Variants in GMPPA observed in about 807,000 individuals in gnomAD.
The protein encoded by GMPPA is mannose-1-phosphate guanylyltransferase regulatory subunit alpha.
In GMPPA, 46 loss-of-function variants were observed where a neutral mutation model predicts 58.6. The ratio of observed to expected loss-of-function variants is 0.78; its 90% confidence interval spans 0.62 to 1.00. The LOEUF (loss-of-function observed/expected upper bound fraction) is 1.00, where lower values mean the gene tolerates loss of function less well. Among genes scored for constraint, GMPPA ranks in the 50% least tolerant of loss-of-function variants. The pLI is 0.00. For synonymous variants in GMPPA, 211 were observed against 214.9 expected (o/e 0.98, Z 0.16); for missense variants, 468 against 556.4 (o/e 0.84, Z 1.60).
intron 4 of GMPPA, 52 bp from the exon 5 acceptor site, chr2:219,501,799 G>A (rs1694402704): frequency 6.5e-7 from 1 of 1,541,620 alleles, no homozygotes; most frequent in Non-Finnish European, 8.9e-7. Context: ...CCTGGCTCAT[G>A]GTATCTGTTT....
chr2:219,504,870 T>C, intron 7 of GMPPA: 1 of 1,101,346 alleles, frequency 9.1e-7, no homozygotes. Context: ...TGCTCTGGGG[T>C]GAGTCTGTCT....
rs1427453877 is a variant in GMPPA, at chr2:219,506,687, C to A, written c.1163-11C>A. ...CCATGACCTCCCCTGGTGCCCTCAT[C>A]CATGCTGCAGGCTGCCGAGTCCGGA... On this transcript the variant is annotated splice_polypyrimidine_tract_variant and intron_variant, in intron 12 of 12. Transcript: ENST00000313597. 2.6e-6 allele frequency: 4 copies of A among 1,516,972 alleles called. No homozygotes were observed. The South Asian group carries it at 3.4e-5, about 13-fold the overall frequency. The allele number at this position is 1,516,972 out of a possible 1,614,324, so 94.0% of individuals were successfully genotyped here.
At chr2:219,506,565 G>A in intron 12 of GMPPA, 133 bp from the exon 13 acceptor site, 1 of 1,015,858 alleles carries the variant, frequency 9.8e-7, no homozygotes, top group East Asian at 2.6e-5. Flanking sequence ...CAGGCCCTGT[G>A]TGAGTCACCG....
chr2:219,498,925 G>GAAGGGAGCTAGTGGTA lies in GMPPA; in HGVS notation c.-24_-21+12dup, dbSNP rs1429471760. The GAAGGGAGCTAGTGGTA allele has an allele frequency of 3.9e-5, 6 of 152,376 alleles. No individual in the cohort carries two copies. The highest frequency in any genetic ancestry group is 1.4e-4 in the African/African-American group (6 of 41,472). 9.4% of individuals were successfully genotyped at this position (152,376 alleles called of 1,614,324 possible). On this transcript the variant is annotated 5_prime_UTR_variant, in exon 1 of 13. Coordinates refer to ENST00000313597, the MANE Select transcript of GMPPA (RefSeq NM_013335.4). Reference sequence around the variant, plus strand: ...CAGTAGCGGGCGGCAGAGCTGGAGTGAAGGGAGCTAGTGGTAAAGGGAGCT... The same window carrying GAAGGGAGCTAGTGGTA: ...CAGTAGCGGGCGGCAGAGCTGGAGTGAAGGGAGCTAGTGGTAAAGGGAGCTAGTGGTAAAGGGAGCT...
chr2:219,504,259 C>T lies in GMPPA; in HGVS notation c.620+46C>T, dbSNP rs758727022. The T allele has an allele frequency of 3.8e-6, 6 of 1,586,358 alleles. No individual in the cohort carries two copies. In the South Asian group the frequency reaches 4.5e-5, roughly 12 times the overall value. ...CTGTGACCCCAAGTACCCCCAGTCA[C>T]GGACCCCAACACATACCAGTCTCTG... On this transcript the variant is annotated intron_variant, in intron 7 of 12. Transcript: ENST00000313597.
At chr2:219,504,899 TGAGGGGGAGGGTAACTTG>T in intron 7 of GMPPA, 1 of 1,128,492 alleles carries the variant, frequency 8.9e-7, no homozygotes. Context: ...TTCCATCCAA[TGAGGGGGAGGGTAACTTG>T]GAGGGGGTAA....
chr2:219,505,242 G>A lies in GMPPA; in HGVS notation c.635G>A (p.Gly212Asp). ...CTCTCTGCCAGGGAGGACTCACCAG[G>A]CTTGTGGCCAGGGGCAGGTACCATC... ...QQDGQLEDSP[G>D]LWPGAGTIRL... The change falls in exon 8 of 13, where the codon GGC becomes GAC. Residue 212 changes from glycine to aspartate, a missense_variant. Physicochemically the swap from Gly to Asp is moderately conservative, Grantham distance 94. Transcript: ENST00000313597. 1 of 1,614,012 alleles carries A rather than the reference G, an allele frequency of 6.2e-7. No homozygotes were observed. Among genetic ancestry groups the A allele is most frequent in the African/African-American group, 1.3e-5 (1 of 75,058 alleles).
chr2:219,506,891 C>A lies in GMPPA; in HGVS notation c.*93C>A. The A allele has an allele frequency of 2.8e-6, 2 of 711,244 alleles. No homozygotes were observed. The highest frequency in any genetic ancestry group is 5.1e-6 in the Non-Finnish European group (2 of 388,710). The allele number at this position is 711,244 out of a possible 1,614,324, so 44.1% of individuals were successfully genotyped here. On this transcript the variant is annotated 3_prime_UTR_variant, in exon 13 of 13. Transcript: ENST00000313597. ...TCTGTCCAGAAAGGACCAGAGAAAGCCAGGCTGGATCGTCACATGCCGGGG... is the reference window on the plus strand; with the variant it reads ...TCTGTCCAGAAAGGACCAGAGAAAGACAGGCTGGATCGTCACATGCCGGGG...
chr2:219,504,768 G>A (rs551649212), intron 7 of GMPPA: 2 of 687,860 alleles, frequency 2.9e-6, no homozygotes, highest in Admixed American at 5.2e-5. Context: ...CATCTCTCCT[G>A]GCCTCTCTGT....
At chr2:219,505,177 C>G in intron 7 of GMPPA, 51 bp from the exon 8 acceptor site, 1 of 1,587,868 alleles carries the variant, frequency 6.3e-7, no homozygotes, top group South Asian at 1.1e-5. Flanking sequence ...GTTAGCCCCA[C>G]AGTCGGGGCT....
chr2:219,502,582 A>C lies in GMPPA; in HGVS notation c.489+141A>C, dbSNP rs575493885. On this transcript the variant is annotated intron_variant, in intron 6 of 12. Coordinates refer to ENST00000313597, the MANE Select transcript of GMPPA (RefSeq NM_013335.4). The surrounding 1 kb of genome is among the most constrained non-coding windows in gnomAD (Gnocchi z 4.0). ...TGAGACACTCCCGATTAATCATCTT[A>C]TATCCCTTTAAGAGAGATTGACCAG... is the stretch of plus-strand genomic sequence containing the variant. 2 of 594,320 alleles carry C rather than the reference A, an allele frequency of 3.4e-6. No individual in the cohort carries two copies. The highest frequency in any genetic ancestry group is 6.1e-6 in the Non-Finnish European group (2 of 326,076). 36.8% of individuals were successfully genotyped at this position (594,320 alleles called of 1,614,324 possible).
chr2:219,499,510 GTC>G (rs924951566), intron 1 of GMPPA, among the ~76,000 whole-genome samples: 4 of 152,210 alleles, frequency 2.6e-5, no homozygotes, highest in African/African-American at 9.6e-5. Context: ...TGAGAAGGGA[GTC>G]TCTGCCAGGT....
chr2:219,506,097 A>T (rs1332795260), intron 11 of GMPPA, 25 bp downstream of exon 11: 1 of 1,523,758 alleles, frequency 6.6e-7, no homozygotes, highest in Non-Finnish European at 9.0e-7. Flanking sequence ...ACACAGCAGC[A>T]TGTGACACCC....
intron 7 of GMPPA, chr2:219,504,432 C>T (rs1231417521): frequency 5.2e-6 from 3 of 581,968 alleles, no homozygotes; most frequent in Non-Finnish European, 9.1e-6. Flanking sequence ...TCACTGCCTG[C>T]CCACTCCCCT....
chr2:219,506,306 G>A lies in GMPPA; in HGVS notation c.1046G>A (p.Arg349His), dbSNP rs568570865. Residue 349 changes from arginine (R) to histidine (H), a missense_variant, in exon 12 of 13, where the codon CGC becomes CAC. Transcript: ENST00000313597. Reference sequence around the variant, plus strand: ...GTGGGCTGGGGGAGCACCGTGGGACGCTGGGCCCGCGTGGAGGGTACCCCC... The same window carrying A: ...GTGGGCTGGGGGAGCACCGTGGGACACTGGGCCCGCGTGGAGGGTACCCCC... ...SIVGWGSTVG[R>H]WARVEGTPSD... is the part of the protein sequence containing the mutation. The A allele has an allele frequency of 1.8e-5, 29 of 1,613,812 alleles. No homozygotes were observed. The highest frequency in any genetic ancestry group is 1.2e-4 in the Admixed American group (7 of 59,994).
At position 219,500,118 on chromosome 2, in the gene GMPPA, C is replaced by T; in HGVS notation, c.41-3C>T. On this transcript the variant is annotated splice_polypyrimidine_tract_variant and splice_region_variant and intron_variant, in intron 2 of 12. Coordinates refer to ENST00000313597, the MANE Select transcript of GMPPA (RefSeq NM_013335.4). ...CGAAATGTTCTCCTCTCTCCTCTCC[C>T]AGGAACTCGCTTCAGACCTTTGTCT... The T allele has an allele frequency of 6.2e-7, 1 of 1,606,258 alleles. No individual in the cohort carries two copies. Among genetic ancestry groups the T allele is most frequent in the Non-Finnish European group, 8.5e-7 (1 of 1,175,066 alleles).
chr2:219,500,107 C>A lies in GMPPA; in HGVS notation c.41-14C>A. On this transcript the variant is annotated splice_polypyrimidine_tract_variant and intron_variant, in intron 2 of 12. Transcript: ENST00000313597. The stretch of plus-strand genomic sequence containing the variant: ...AGGCAGGAGGCCGAAATGTTCTCCT[C>A]TCTCCTCTCCCAGGAACTCGCTTCA... 6.2e-7 allele frequency: 1 copy of A among 1,605,040 alleles called. No individual in the cohort carries two copies. The highest frequency in any genetic ancestry group is 8.5e-7 in the Non-Finnish European group (1 of 1,173,342).
chr2:219,503,106 CT>C (rs1295960809), intron 6 of GMPPA, among the ~76,000 whole-genome samples: 1 of 151,802 alleles, frequency 6.6e-6, no homozygotes, highest in Non-Finnish European at 1.5e-5. Context: ...GTAGCTGGGA[CT>C]ATAGGCATGA....
chr2:219,503,615 A>T (rs1162018106), intron 6 of GMPPA, among the ~76,000 whole-genome samples: 2 of 152,230 alleles, frequency 1.3e-5, no homozygotes, highest in East Asian at 3.9e-4. Context: ...GAGTGACAGA[A>T]TCAAAAGGCA....
Sources: allele counts gnomAD v4.1 joint callset (sites outside exome capture counted in the v4.1 genomes callset), GRCh38; gene constraint gnomAD v4.1.1; non-coding constraint Gnocchi (gnomAD v3.1); transcripts MANE v1.5; gene names NCBI Gene and HGNC (gene_info 2026-07-23, HGNC 2026-07-21).